KLRF1: variants seen among roughly 807,000 people sequenced by gnomAD.
KLRF1 encodes killer cell lectin like receptor F1.
Under a neutral mutation model 30.7 loss-of-function variants are expected in KLRF1, and 27 were observed. The observed-to-expected ratio is 0.88, with a 90% CI of 0.65 to 1.21. The LOEUF is 1.21. Among genes scored for constraint, KLRF1 ranks in the 50% most tolerant of loss-of-function variants. The probability of loss-of-function intolerance (pLI) is 0.00; values close to 1 mark genes in which losing one functional copy is unlikely to be tolerated. For synonymous variants in KLRF1, 92 were observed against 89.3 expected (o/e 1.03, Z -0.17); for missense variants, 246 against 259.3 (o/e 0.95, Z 0.35).
chr12:9,825,657 C>T (rs1867272173), upstream of KLRF1, among the ~76,000 whole-genome samples: 1 of 151,644 alleles, frequency 6.6e-6, no homozygotes, highest in Non-Finnish European at 1.5e-5. Context: ...TGAAACAAAA[C>T]AAAACAAACA....
the KLRF1 span, among the ~76,000 whole-genome samples, chr12:9,818,883 A>G: frequency 6.6e-6 from 1 of 152,332 alleles, no homozygotes; most frequent in South Asian, 2.1e-4. Context: ...AGGGGCTAGT[A>G]AATACAGCAC....
intron 1 of KLRF1, among the ~76,000 whole-genome samples, chr12:9,829,609 A>G (rs908342325): frequency 6.6e-6 from 1 of 152,090 alleles, no homozygotes; most frequent in African/African-American, 2.4e-5. Flanking sequence ...GAGATAAAAA[A>G]ATTAATCAGT....
the KLRF1 span, among the ~76,000 whole-genome samples, chr12:9,803,122 A>G: frequency 6.6e-6 from 1 of 152,110 alleles, no homozygotes; most frequent in Non-Finnish European, 1.5e-5. Context: ...CACATAGACC[A>G]ATGGAACAAA....
chr12:9,807,939 A>G, the KLRF1 span, among the ~76,000 whole-genome samples: 1 of 152,148 alleles, frequency 6.6e-6, no homozygotes, highest in Non-Finnish European at 1.5e-5. Context: ...AATAAAAACA[A>G]CCATCAAGCA....
rs1397178437 is a variant in KLRF1, at chr12:9,833,298, T to C, written c.185-5T>C. ...ACCTAACCTTAAAATAGTCCTGTAT[T>C]CAAGTTTCTCAGGGAGTATTGCTAA... On this transcript the variant is annotated splice_polypyrimidine_tract_variant and splice_region_variant and intron_variant, in intron 2 of 5. Transcript: ENST00000617889. 1 of 1,585,436 alleles carries C rather than the reference T, an allele frequency of 6.3e-7. No individual in the cohort carries two copies. The highest frequency in any genetic ancestry group is 8.6e-7 in the Non-Finnish European group (1 of 1,167,050).
At chr12:9,816,165 C>G in the KLRF1 span, among the ~76,000 whole-genome samples, 1 of 152,206 alleles carries the variant, frequency 6.6e-6, no homozygotes, top group East Asian at 1.9e-4. Context: ...CGGAGCCCAA[C>G]GTGCAACAAG....
the KLRF1 span, among the ~76,000 whole-genome samples, chr12:9,808,119 A>G: frequency 1.3e-5 from 2 of 151,164 alleles, no homozygotes; most frequent in Non-Finnish European, 2.9e-5. Flanking sequence ...TTTTTTAACT[A>G]AAGTAAAACT....
Position 9,827,584 on chromosome 12 carries a change from T to TCAA in KLRF1, c.41_43dup (p.Ser14_Lys15insThr). ...AAGATACATGACATTGAATGTACAG[T>TCAA]CAAAGAAAAGGAGTTCTGCCCAAAC... On this transcript the variant is annotated inframe_insertion, in exon 1 of 6. Coordinates refer to ENST00000617889, the MANE Select transcript of KLRF1 (RefSeq NM_016523.3). The TCAA allele has an allele frequency of 6.2e-7, 1 of 1,609,634 alleles. No homozygotes were observed. The highest frequency in any genetic ancestry group is 8.5e-7 in the Non-Finnish European group (1 of 1,177,316).
the KLRF1 span, among the ~76,000 whole-genome samples, chr12:9,818,178 A>G: frequency 1.3e-5 from 2 of 152,216 alleles, no homozygotes; most frequent in African/African-American, 4.8e-5. Context: ...GATCACTACC[A>G]TAGAGCTGGA....
chr12:9,807,276 T>C, the KLRF1 span, among the ~76,000 whole-genome samples: 4 of 152,144 alleles, frequency 2.6e-5, no homozygotes, highest in Admixed American at 6.5e-5. Context: ...ATTATTGTGT[T>C]ATTACTTTAT....
intron 3 of KLRF1, among the ~76,000 whole-genome samples, chr12:9,838,348 TG>T (rs1013244430): frequency 4.6e-5 from 7 of 152,046 alleles, no homozygotes; most frequent in Non-Finnish European, 1.0e-4. Flanking sequence ...GTGATTTTTC[TG>T]GGGGGGTGAA....
chr12:9,819,454 C>T, the KLRF1 span, among the ~76,000 whole-genome samples: 1 of 152,188 alleles, frequency 6.6e-6, no homozygotes, highest in Non-Finnish European at 1.5e-5. Flanking sequence ...GCAGCCTTAG[C>T]CATTGTTGCC....
chr12:9,824,453 A>G (rs777961652), upstream of KLRF1, among the ~76,000 whole-genome samples: 1 of 152,310 alleles, frequency 6.6e-6, no homozygotes, highest in South Asian at 2.1e-4. Flanking sequence ...TAAACTATGT[A>G]TTGCAGAAAC....
chr12:9,812,614 T>C, the KLRF1 span, among the ~76,000 whole-genome samples: 1 of 152,190 alleles, frequency 6.6e-6, no homozygotes, highest in Non-Finnish European at 1.5e-5. Flanking sequence ...ACCTGACTAG[T>C]CCCTCATCCT....
At chr12:9,805,730 T>C in the KLRF1 span, among the ~76,000 whole-genome samples, 1 of 152,222 alleles carries the variant, frequency 6.6e-6, no homozygotes, top group South Asian at 2.1e-4. Flanking sequence ...TTCTATTTCT[T>C]TGAGACTTTT....
chr12:9,808,290 C>T, the KLRF1 span, among the ~76,000 whole-genome samples: 1 of 152,122 alleles, frequency 6.6e-6, no homozygotes, highest in East Asian at 1.9e-4. Context: ...ATGCTTTTCC[C>T]CCAATGTGTT....
At chr12:9,813,891 C>T in the KLRF1 span, among the ~76,000 whole-genome samples, 1 of 152,082 alleles carries the variant, frequency 6.6e-6, no homozygotes, top group South Asian at 2.1e-4. Context: ...GCCTGCACCG[C>T]GCAACAGCAC....
chr12:9,825,677 A>G (rs1460983134), upstream of KLRF1, among the ~76,000 whole-genome samples: 1 of 152,162 alleles, frequency 6.6e-6, no homozygotes, highest in African/African-American at 2.4e-5. Flanking sequence ...AAACAAAATA[A>G]TTAACTGTAA....
the KLRF1 span, among the ~76,000 whole-genome samples, chr12:9,805,738 T>G: frequency 4.6e-5 from 7 of 152,208 alleles, no homozygotes; most frequent in African/African-American, 1.7e-4. Flanking sequence ...CTTTGAGACT[T>G]TTCATCAGTT....
Sources: allele counts gnomAD v4.1 joint callset (sites outside exome capture counted in the v4.1 genomes callset), GRCh38; gene constraint gnomAD v4.1.1; transcripts MANE v1.5; gene names NCBI Gene and HGNC (gene_info 2026-07-23, HGNC 2026-07-21).